RPSA: variants seen among roughly 807,000 people sequenced by gnomAD.
RPSA encodes the protein small ribosomal subunit protein uS2.
For synonymous variants in RPSA, 103 were observed against 126.7 expected (o/e 0.81, Z 1.25); for missense variants, 140 against 372.8 (o/e 0.38, Z 5.14).
At chr3:39,407,524 C>A in intron 1 of RPSA, 97 bp from the exon 2 acceptor site, 1 of 870,678 alleles carries the variant, frequency 1.1e-6, no homozygotes, top group Non-Finnish European at 1.9e-6. Flanking sequence ...AAGCTCAATG[C>A]CTGACACTAT....
chr3:39,406,852 G>C, intron 1 of RPSA, 88 bp downstream of exon 1: 1 of 456,374 alleles, frequency 2.2e-6, no homozygotes, highest in Non-Finnish European at 4.4e-6. Context: ...GACTAGTGAT[G>C]AAAGCCGGTC....
rs977258721 is a variant in RPSA, at chr3:39,406,897, C to T, written c.-34+133C>T. On this transcript the variant is annotated intron_variant, in intron 1 of 6. Transcript: ENST00000301821. ...CTGTCTCCCGCCCGGCGCGCCCCAC[C>T]TTAGGCCTGCGGCCCGCACGTGGCC... 5.0e-5 allele frequency: 23 copies of T among 456,022 alleles called. No homozygotes were observed. In the Admixed American group the frequency reaches 5.4e-4, roughly 11 times the overall value. 28.2% of individuals were successfully genotyped at this position (456,022 alleles called of 1,614,324 possible). A position where few individuals can be genotyped will look rare whatever the true frequency, so the allele number is the denominator to read the frequency against.
At chr3:39,412,088 A>G in intron 6 of RPSA, 27 bp downstream of exon 6, 1 of 1,606,776 alleles carries the variant, frequency 6.2e-7, no homozygotes, top group Non-Finnish European at 8.5e-7. Context: ...AGGTGAATCA[A>G]GCTGATATTT....
rs767665858 is a variant in RPSA at position 39,411,787 on chromosome 3, T to C, written c.627+10T>C. The C allele has an allele frequency of 5.0e-5, 80 of 1,599,620 alleles. No individual in the cohort carries two copies. The highest frequency in any genetic ancestry group is 6.6e-5 in the Non-Finnish European group (78 of 1,179,930). On this transcript the variant is annotated intron_variant, in intron 5 of 6. Coordinates refer to ENST00000301821, the MANE Select transcript of RPSA (RefSeq NM_002295.6). ...CAGAGATCCTGAAGAGGTAAGCTTC[T>C]CCAAAGGCTTGTGGTTACATAAGCA... is the stretch of plus-strand genomic sequence containing the variant.
At chr3:39,412,131 ATC>A (rs2042014613) in intron 6 of RPSA, 70 bp downstream of exon 6, 2 of 1,469,236 alleles carry the variant, frequency 1.4e-6, no homozygotes, top group African/African-American at 2.8e-5. Context: ...AACTTTAATG[ATC>A]TCTGTGACTT....
At position 39,408,629 on chromosome 3, in the gene RPSA, A is replaced by C; in HGVS notation, c.157A>C (p.Arg53=). The C allele has an allele frequency of 6.2e-7, 1 of 1,609,488 alleles. No homozygotes were observed. Among genetic ancestry groups the C allele is most frequent in the Non-Finnish European group, 8.5e-7 (1 of 1,175,736 alleles). ...AGGCATCTATATCATAAATCTCAAG[A>C]GGACCTGGGAGAAGCTTCTGCTGGC... The part of the protein sequence containing the change: ...SDGIYIINLK[R]TWEKLLLAAR... The change falls in exon 3 of 7, where the codon AGG becomes CGG. Residue 53 remains arginine, a synonymous_variant. Coordinates refer to ENST00000301821, the MANE Select transcript of RPSA (RefSeq NM_002295.6).
At chr3:39,406,999 G>A (rs1352541008) in intron 1 of RPSA, 1 of 453,060 alleles carries the variant, frequency 2.2e-6, no homozygotes, top group Non-Finnish European at 4.4e-6. Flanking sequence ...CCGAGCTGGG[G>A]TTCGGACCAG....
intron 3 of RPSA, among the ~76,000 whole-genome samples, chr3:39,409,856 G>A (rs2041979884): frequency 6.6e-6 from 1 of 152,028 alleles, no homozygotes. Flanking sequence ...AGTCATGGGT[G>A]GCTCATGCTT....
In RPSA at chr3:39,412,096, T is replaced by C. The variant is rs765423928; in HGVS notation, c.793+35T>C. 6 of 1,594,248 alleles carry C rather than the reference T, an allele frequency of 3.8e-6. 1 individual carries two copies. In the African/African-American group the frequency reaches 4.0e-5, roughly 11 times the overall value. On this transcript the variant is annotated intron_variant, in intron 6 of 6. Transcript: ENST00000301821. ...AGGATAGAGGTGAATCAAGCTGATA[T>C]TTTGCAACTTCTCAGTTTTATTCTA...
intron 2 of RPSA, 76 bp downstream of exon 2, chr3:39,407,862 C>G (rs1289506748): frequency 8.4e-7 from 1 of 1,192,496 alleles, no homozygotes; most frequent in African/African-American, 1.5e-5. Context: ...GTGGTTAGTT[C>G]TGGGTAATTT....
chr3:39,406,922 C>G (rs1318975107), intron 1 of RPSA, 158 bp downstream of exon 1: 1 of 454,250 alleles, frequency 2.2e-6, no homozygotes, highest in African/African-American at 2.0e-5. Context: ...CGCACGTGGC[C>G]AGGCTCGGGC....
At chr3:39,411,869 C>CT (rs776554510) in intron 5 of RPSA, 27 bp from the exon 6 acceptor site, 3 of 1,599,484 alleles carry the variant, frequency 1.9e-6, no homozygotes, top group Non-Finnish European at 2.5e-6. Context: ...CCCTGTAAGT[C>CT]TTTCCTCTTT....
At chr3:39,408,173 A>G (rs2041949002) in intron 2 of RPSA, 1 of 369,562 alleles carries the variant, frequency 2.7e-6, no homozygotes, top group African/African-American at 2.1e-5. Context: ...GATGGAAGGC[A>G]TTAAGTTGGC....
In RPSA at chr3:39,412,487, T is replaced by A; in HGVS notation, c.*119T>A. ...TTACTCCAGATCAGAATACCTGGGA[T>A]TGCATATCAAAGCATAATAATAAAT... On this transcript the variant is annotated 3_prime_UTR_variant, in exon 7 of 7. Coordinates refer to ENST00000301821, the MANE Select transcript of RPSA (RefSeq NM_002295.6). 1.6e-6 allele frequency: 1 copy of A among 633,180 alleles called. No homozygotes were observed. The highest frequency in any genetic ancestry group is 2.8e-6 in the Non-Finnish European group (1 of 359,954). The allele number at this position is 633,180 out of a possible 1,614,324, so 39.2% of individuals were successfully genotyped here. A position where few individuals can be genotyped will look rare whatever the true frequency, so the allele number is the denominator to read the frequency against.
At chr3:39,407,243 G>C (rs1472597498) in intron 1 of RPSA, among the ~76,000 whole-genome samples, 10 of 152,216 alleles carry the variant, frequency 6.6e-5, no homozygotes, top group Admixed American at 6.5e-4. Flanking sequence ...CAATCTGCTT[G>C]AAAATGTCTG....
intron 1 of RPSA, chr3:39,406,979 A>C (rs1470899223): frequency 6.6e-6 from 3 of 451,498 alleles, no homozygotes; most frequent in Non-Finnish European, 8.9e-6. Flanking sequence ...GCCGCCCTCC[A>C]GCGGAGGCTC....
At position 39,411,171 on chromosome 3, in the gene RPSA, A is replaced by G. The variant is rs144283275; in HGVS notation, c.498+172A>G. On this transcript the variant is annotated intron_variant, in intron 4 of 6. Transcript: ENST00000301821. ...CTAACACCACAAGGGTCTCTGGCCCAATGAGTGGAGTTTGATAGTAATTCT... is the reference window on the plus strand; with the variant it reads ...CTAACACCACAAGGGTCTCTGGCCCGATGAGTGGAGTTTGATAGTAATTCT... 4.4e-4 allele frequency: 351 copies of G among 793,362 alleles called. 1 individual carries two copies. The Admixed American group carries it at 5.8e-3, about 13-fold the overall frequency. 49.1% of individuals were successfully genotyped at this position (793,362 alleles called of 1,614,324 possible).
At chr3:39,410,723 C>G (rs138233961) in intron 3 of RPSA, 31 bp from the exon 4 acceptor site, 13 of 1,613,616 alleles carry the variant, frequency 8.1e-6, no homozygotes, top group African/African-American at 2.7e-5. Flanking sequence ...TGTGGAATAT[C>G]GAGTACCACT....
At chr3:39,411,412 A>G (rs1346062148) in intron 4 of RPSA, 2 of 574,156 alleles carry the variant, frequency 3.5e-6, no homozygotes, top group Non-Finnish European at 6.2e-6. Flanking sequence ...GTTGTGCATA[A>G]GAATTGCCCA....
Sources: gnomAD v4.1 joint callset for allele counts (sites outside exome capture counted in the v4.1 genomes callset) on GRCh38, gnomAD v4.1.1 for gene constraint, MANE v1.5 for transcripts, NCBI Gene and HGNC (gene_info 2026-07-23, HGNC 2026-07-21) for gene names.